The following TGIF1 variants were observed in gnomAD, a reference collection of about 807,000 sequenced individuals.
TGIF1 encodes TGFB induced factor homeobox 1, also known as homeobox protein TGIF1.
Under a neutral mutation model 19.3 loss-of-function variants are expected in TGIF1, and 4 were observed. The ratio of observed to expected loss-of-function variants is 0.21; its 90% CI spans 0.10 to 0.47. TGIF1 has a LOEUF of 0.47. Among genes scored for constraint, TGIF1 ranks in the 20% least tolerant of loss-of-function variants. TGIF1 has a pLI of 0.98. For missense variants in TGIF1, 275 were observed against 341.4 expected (o/e 0.81, Z 1.53); for synonymous variants, 122 against 129.3 (o/e 0.94, Z 0.38).
At chr18:3,412,442 A>C (rs909497900) in intron 1 of TGIF1, among the ~76,000 whole-genome samples, 4 of 152,238 alleles carry the variant, frequency 2.6e-5, no homozygotes, top group Admixed American at 6.5e-5. Flanking sequence ...ATCAATGAGA[A>C]GAAATGGAAA....
At chr18:3,420,599 G>C (rs954340568) in intron 2 of TGIF1, among the ~76,000 whole-genome samples, 1 of 152,034 alleles carries the variant, frequency 6.6e-6, no homozygotes, top group Non-Finnish European at 1.5e-5. Context: ...CCAACTATAC[G>C]TTGTTTACAA....
At chr18:3,445,766 A>AG (rs2082737052), upstream of TGIF1, among the ~76,000 whole-genome samples, 2 of 15,828 alleles carry the variant, frequency 1.3e-4, no homozygotes, top group South Asian at 2.5e-3. Flanking sequence ...GAAGAAAAGC[A>AG]AAAAAAAAAA....
chr18:3,445,773 A>G (rs2082737493), upstream of TGIF1, among the ~76,000 whole-genome samples: 1 of 139,488 alleles, frequency 7.2e-6, no homozygotes, highest in African/African-American at 2.6e-5. Context: ...AGCAAAAAAA[A>G]AAAAAAAAAA....
At chr18:3,449,145 ATCCC>A (rs2082817034), upstream of TGIF1, among the ~76,000 whole-genome samples, 10 of 152,184 alleles carry the variant, frequency 6.6e-5, no homozygotes, top group Non-Finnish European at 1.5e-5. Context: ...CTCCTGTTGG[ATCCC>A]TCCTAACTGT....
At chr18:3,431,929 G>A (rs572454245) in intron 2 of TGIF1, among the ~76,000 whole-genome samples, 2 of 152,234 alleles carry the variant, frequency 1.3e-5, no homozygotes, top group East Asian at 1.9e-4. Context: ...AAGAGATCGA[G>A]ACTATCCTGG....
Position 3,458,201 on chromosome 18 carries a change from G to T in TGIF1, c.*261G>T. 7.0e-6 allele frequency: 3 copies of T among 428,860 alleles called. No homozygotes were observed. The highest frequency in any genetic ancestry group is 8.0e-6 in the Non-Finnish European group (2 of 248,448). 26.6% of individuals were successfully genotyped at this position (428,860 alleles called of 1,614,324 possible). ...AATGTGAGATGGTTCCCAATATCAT[G>T]TGATTTTTTTTTTCCTCCCCTTCCC... On this transcript the variant is annotated 3_prime_UTR_variant, in exon 3 of 3. Coordinates refer to ENST00000343820, the MANE Select transcript of TGIF1 (RefSeq NM_003244.4).
intron 1 of TGIF1, chr18:3,418,008 G>A (rs1201660483): frequency 1.3e-5 from 2 of 151,600 alleles, no homozygotes; most frequent in South Asian, 2.1e-4. Flanking sequence ...AAAAATATAG[G>A]GCTTACATAT....
Position 3,451,494 on chromosome 18 carries a change from A to G in TGIF1, c.16+989A>G. The G allele has an allele frequency of 1.0e-6, 1 of 989,220 alleles. No homozygotes were observed. The highest frequency in any genetic ancestry group is 4.7e-5 in the South Asian group (1 of 21,372). 61.3% of individuals were successfully genotyped at this position (989,220 alleles called of 1,614,324 possible). The stretch of plus-strand genomic sequence containing the variant: ...GGAGGTGGCGTTTCTGTCGTGATTT[A>G]TGTGGAGTGGTTCAAAACAGAAGTT... On this transcript the variant is annotated intron_variant, in intron 1 of 2. Coordinates refer to ENST00000343820, the MANE Select transcript of TGIF1 (RefSeq NM_003244.4). The surrounding 1 kb of genome is among the most constrained non-coding windows in gnomAD (Gnocchi z 5.4).
intron 2 of TGIF1, chr18:3,418,822 C>T (rs2082365034): frequency 6.6e-6 from 1 of 152,370 alleles, no homozygotes; most frequent in African/African-American, 2.4e-5. Flanking sequence ...CTTTGGGACG[C>T]CAAGGTGGGC....
intron 1 of TGIF1, among the ~76,000 whole-genome samples, chr18:3,414,727 T>C (rs2082309126): frequency 6.6e-6 from 1 of 152,110 alleles, no homozygotes; most frequent in Non-Finnish European, 1.5e-5. Flanking sequence ...ATAAGGAATT[T>C]CAAGAATTTT....
chr18:3,450,676 TC>T (rs2082883088), intron 1 of TGIF1, among the ~76,000 whole-genome samples, 171 bp downstream of exon 1: 2 of 152,180 alleles, frequency 1.3e-5, no homozygotes, highest in South Asian at 2.1e-4. Context: ...GCGGCTGTTT[TC>T]CTGCTAGACA....
intron 1 of TGIF1, among the ~76,000 whole-genome samples, chr18:3,416,764 T>C (rs1644212275): frequency 6.6e-6 from 1 of 151,838 alleles, no homozygotes; most frequent in African/African-American, 2.4e-5. Context: ...AATCCCCATC[T>C]CTACTAAAAA....
At chr18:3,423,771 C>T (rs4267421) in intron 2 of TGIF1, among the ~76,000 whole-genome samples, 65,890 of 151,722 alleles carry the variant, frequency 0.43, 14,897 homozygotes, top group African/African-American at 0.57. Context: ...AGGAGGATCA[C>T]TGGAGCCCAG....
In TGIF1 at chr18:3,456,538, A is replaced by G; in HGVS notation, c.201A>G (p.Glu67=). ...ACAATGCCTATCCTTCAGAGCAAGA[A>G]AAAGCGTTGCTGTCCCAGCAAACAC... ...HRYNAYPSEQ[E]KALLSQQTHL... Residue 67 remains glutamate, a synonymous_variant, in exon 2 of 3, where the codon GAA becomes GAG. Coordinates refer to ENST00000343820, the MANE Select transcript of TGIF1 (RefSeq NM_003244.4). The surrounding 1 kb of genome is among the most constrained non-coding windows in gnomAD (Gnocchi z 4.2). The G allele has an allele frequency of 6.2e-7, 1 of 1,614,288 alleles. No homozygotes were observed. The highest frequency in any genetic ancestry group is 8.5e-7 in the Non-Finnish European group (1 of 1,180,050).
At position 3,456,620 on chromosome 18, in the gene TGIF1, G is replaced by A. The variant is rs752670677; in HGVS notation, c.243+40G>A. ...CGTGAGGTTTATGGATGCATTTTTA[G>A]TTTCAAAGTCATTTTATGGCATTCC... On this transcript the variant is annotated intron_variant, in intron 2 of 2. Coordinates refer to ENST00000343820, the MANE Select transcript of TGIF1 (RefSeq NM_003244.4). The surrounding 1 kb of genome is among the most constrained non-coding windows in gnomAD (Gnocchi z 4.2). 2.0e-5 allele frequency: 32 copies of A among 1,582,660 alleles called. No homozygotes were observed. Among genetic ancestry groups the A allele is most frequent in the Non-Finnish European group, 2.8e-5 (32 of 1,152,988 alleles).
In TGIF1 at chr18:3,451,390, C is replaced by G; in HGVS notation, c.16+885C>G. ...AACCACACAAAACACCCCGAAAGGT[C>G]AGAGTGTGAAGTCCCTTTTGAAGTT... On this transcript the variant is annotated intron_variant, in intron 1 of 2. Transcript: ENST00000343820. This position sits in a 1 kb window ranked among gnomAD's most constrained non-coding sequence, Gnocchi z 5.4. 1.0e-6 allele frequency: 1 copy of G among 985,332 alleles called. No individual in the cohort carries two copies. 61.0% of individuals were successfully genotyped at this position (985,332 alleles called of 1,614,324 possible).
chr18:3,449,590 C>G, upstream of TGIF1: 5 of 969,502 alleles, frequency 5.2e-6, no homozygotes, highest in Non-Finnish European at 6.0e-6. Flanking sequence ...GGAGGAAGAG[C>G]CCCGGGAGGA....
At chr18:3,423,712 G>A (rs490070) in intron 2 of TGIF1, among the ~76,000 whole-genome samples, 2 of 151,800 alleles carry the variant, frequency 1.3e-5, no homozygotes, top group Non-Finnish European at 1.5e-5. Context: ...AAAATTAGCC[G>A]GGTGTGGTGG....
chr18:3,433,240 AT>A (rs1390504162), intron 2 of TGIF1, among the ~76,000 whole-genome samples: 1 of 150,612 alleles, frequency 6.6e-6, no homozygotes, highest in African/African-American at 2.5e-5. Context: ...CGCTGGGCTG[AT>A]TTTTGTATTT....
Sources: gnomAD v4.1 joint callset for allele counts (sites outside exome capture counted in the v4.1 genomes callset) on GRCh38, gnomAD v4.1.1 for gene constraint, Gnocchi (gnomAD v3.1) non-coding constraint, MANE v1.5 for transcripts, NCBI Gene and HGNC (gene_info 2026-07-23, HGNC 2026-07-21) for gene names.